ORAI2: variants seen among roughly 807,000 people sequenced by gnomAD.
ORAI2 encodes the protein ORAI calcium release-activated calcium modulator 2.
A neutral mutation model predicts 16.2 loss-of-function variants in ORAI2; 10 were observed. The observed-to-expected ratio is 0.62, with a 90% CI of 0.38 to 1.04. The LOEUF (loss-of-function observed/expected upper bound fraction) is 1.04, where lower values mean the gene tolerates loss of function less well. Among genes scored for constraint, ORAI2 ranks in the 50% least tolerant of loss-of-function variants. ORAI2 has a pLI of 0.01. For missense variants in ORAI2, 238 were observed against 355.5 expected, an observed-to-expected ratio of 0.67 and a Z score of 2.66; for synonymous variants, 150 against 157.5, an observed-to-expected ratio of 0.95 and a Z score of 0.35.
chr7:102,446,295 A>G (rs974462477), intron 3 of ORAI2, among the ~76,000 whole-genome samples: 5 of 152,222 alleles, frequency 3.3e-5, no homozygotes, highest in Admixed American at 2.6e-4. Flanking sequence ...TTCTTTAGAT[A>G]ATTAGAACAA....
intron 3 of ORAI2, among the ~76,000 whole-genome samples, chr7:102,442,272 G>T (rs113692861): frequency 5.1e-4 from 78 of 152,088 alleles, no homozygotes; most frequent in African/African-American, 1.8e-3. Flanking sequence ...GAAAAGGAGG[G>T]CCGGGCGCCA....
chr7:102,441,734 A>C lies in ORAI2; in HGVS notation c.225+2553A>C, dbSNP rs574150204. On this transcript the variant is annotated intron_variant, in intron 3 of 3. Transcript: ENST00000495936. Reference sequence around the variant, plus strand: ...TTGAATCTGCAGATGTGGAACTCATAGATACAGAGCACCAGCTGCAGTGGG... The same window carrying C: ...TTGAATCTGCAGATGTGGAACTCATCGATACAGAGCACCAGCTGCAGTGGG... Among the ~76,000 whole-genome samples, 14 of 152,030 alleles carry C rather than the reference A, an allele frequency of 9.2e-5. No individual in the cohort carries two copies. In the East Asian group the frequency reaches 2.1e-3, roughly 23 times the overall value.
rs537824528 is a variant in ORAI2 at position 102,453,194 on chromosome 7, G to A, written c.*6142G>A. On this transcript the variant is annotated 3_prime_UTR_variant, in exon 4 of 4. Coordinates refer to ENST00000495936, the MANE Select transcript of ORAI2 (RefSeq NM_001126340.3). The stretch of plus-strand genomic sequence containing the variant: ...TCTCCATGTTAGCCAAGCTGGTCTC[G>A]AACTCCCGACCTCAGATGATCCGCC... The A allele has an allele frequency of 2.0e-5, 3 of 151,948 alleles. No homozygotes were observed. The highest frequency in any genetic ancestry group is 4.8e-5 in the African/African-American group (2 of 41,364). The allele number at this position is 151,948 out of a possible 1,614,324, so 9.4% of individuals were successfully genotyped here. A position where few individuals can be genotyped will look rare whatever the true frequency, so the allele number is the denominator to read the frequency against.
rs528799718 is a variant in ORAI2 at position 102,446,442 on chromosome 7, G to A, written c.226-71G>A. ...ACCTGGCCCAGCCCCTGCTCTGCCT[G>A]GCAGGTGGCCCTGGTGGGGCCATAC... On this transcript the variant is annotated intron_variant, in intron 3 of 3. Transcript: ENST00000495936. The A allele has an allele frequency of 6.8e-5, 100 of 1,476,460 alleles. 1 individual carries two copies. In the African/African-American group the frequency reaches 1.0e-3, roughly 15 times the overall value. The allele number at this position is 1,476,460 out of a possible 1,614,324, so 91.5% of individuals were successfully genotyped here. A position where few individuals can be genotyped will look rare whatever the true frequency, so the allele number is the denominator to read the frequency against.
chr7:102,438,869 G>C, intron 2 of ORAI2, 75 bp from the exon 3 acceptor site: 2 of 1,426,270 alleles, frequency 1.4e-6, no homozygotes, highest in Non-Finnish European at 2.0e-6. Flanking sequence ...TCTGTAGGTT[G>C]AATGGGCTTG....
At chr7:102,437,941 C>T (rs1174944832) in intron 2 of ORAI2, among the ~76,000 whole-genome samples, 1 of 152,252 alleles carries the variant, frequency 6.6e-6, no homozygotes, top group East Asian at 1.9e-4. Flanking sequence ...CCTAGCTCCT[C>T]AGAAGGCTGA....
In ORAI2 at chr7:102,438,966, G is replaced by C; in HGVS notation, c.10G>C (p.Glu4Gln). The change falls in exon 3 of 4, where the codon GAG (glutamate) becomes CAG (glutamine). Residue 4 changes from glutamate to glutamine, a missense_variant. Glu to Gln is a conservative substitution (Grantham distance 29, BLOSUM62 2). This residue lies in a region of ORAI2 where 61 missense variants were observed against 72.7 expected (regional missense o/e 0.84). Transcript: ENST00000495936. MSA[E>Q]LNVPIDPSAP... ...TAGCCTGGCTCCCACCATGAGTGCTGAGCTTAACGTGCCTATCGACCCCTC... is the reference window on the plus strand; with the variant it reads ...TAGCCTGGCTCCCACCATGAGTGCTCAGCTTAACGTGCCTATCGACCCCTC... 6.2e-7 allele frequency: 1 copy of C among 1,613,916 alleles called. No homozygotes were observed. The highest frequency in any genetic ancestry group is 8.5e-7 in the Non-Finnish European group (1 of 1,180,016).
At position 102,452,229 on chromosome 7, in the gene ORAI2, C is replaced by G. The variant is rs1447879217; in HGVS notation, c.*5177C>G. On this transcript the variant is annotated 3_prime_UTR_variant, in exon 4 of 4. Transcript: ENST00000495936. ...CACTGCAACCTCCTCCTCCCAGGTT[C>G]AAGCGATCTTGTGCCTCAGCCTCCC... is the stretch of plus-strand genomic sequence containing the variant. 6.6e-6 allele frequency: 1 copy of G among 151,964 alleles called. No individual in the cohort carries two copies. The allele number at this position is 151,964 out of a possible 1,614,324, so 9.4% of individuals were successfully genotyped here.
chr7:102,447,325 G>A lies in ORAI2; in HGVS notation c.*273G>A, dbSNP rs960877709. 6 of 471,188 alleles carry A rather than the reference G, an allele frequency of 1.3e-5. No homozygotes were observed. Among genetic ancestry groups the A allele is most frequent in the Admixed American group, 3.9e-5 (1 of 25,490 alleles). The allele number at this position is 471,188 out of a possible 1,614,324, so 29.2% of individuals were successfully genotyped here. A position where few individuals can be genotyped will look rare whatever the true frequency, so the allele number is the denominator to read the frequency against. ...GGGGACACGGTGAAGAGGCTCCAGC[G>A]GGACCTGCCCATCAGTCCTGGGCCA... On this transcript the variant is annotated 3_prime_UTR_variant, in exon 4 of 4. Coordinates refer to ENST00000495936, the MANE Select transcript of ORAI2 (RefSeq NM_001126340.3).
chr7:102,454,797 G>A lies in ORAI2; in HGVS notation c.*7745G>A, dbSNP rs75006544. Reference sequence around the variant, plus strand: ...GCCTGGTCTGCTGAGGAAAGTGTCTGATGGATGCGGAAATGGCCACCCCAA... The same window carrying A: ...GCCTGGTCTGCTGAGGAAAGTGTCTAATGGATGCGGAAATGGCCACCCCAA... On this transcript the variant is annotated 3_prime_UTR_variant, in exon 4 of 4. Coordinates refer to ENST00000495936, the MANE Select transcript of ORAI2 (RefSeq NM_001126340.3). The A allele has an allele frequency of 1.0e-2, 1,519 of 152,480 alleles. 15 individuals carry two copies. The highest frequency in any genetic ancestry group is 0.018 in the Non-Finnish European group (1,225 of 68,144). 9.4% of individuals were successfully genotyped at this position (152,480 alleles called of 1,614,324 possible). A position where few individuals can be genotyped will look rare whatever the true frequency, so the allele number is the denominator to read the frequency against.
At chr7:102,446,423 C>A in intron 3 of ORAI2, 90 bp from the exon 4 acceptor site, 1 of 1,388,702 alleles carries the variant, frequency 7.2e-7, no homozygotes, top group Non-Finnish European at 9.6e-7. Context: ...CCGAACCTGG[C>A]CCAGCCCCTG....
intron 3 of ORAI2, among the ~76,000 whole-genome samples, chr7:102,440,995 C>A (rs1180974842): frequency 2.0e-5 from 3 of 152,084 alleles, no homozygotes; most frequent in African/African-American, 7.2e-5. Flanking sequence ...TGGATTCAAG[C>A]GATTCTCCTG....
intron 3 of ORAI2, among the ~76,000 whole-genome samples, chr7:102,439,626 T>G (rs1474391886): frequency 6.6e-6 from 1 of 151,710 alleles, no homozygotes; most frequent in Non-Finnish European, 1.5e-5. Context: ...TAGCCGGACG[T>G]GGTGGCGTGC....
intron 1 of ORAI2, chr7:102,436,018 T>C: frequency 6.6e-6 from 1 of 152,348 alleles, no homozygotes; most frequent in Admixed American, 6.5e-5. Flanking sequence ...GCTAAGCACC[T>C]GTGTGATGGA....
intron 3 of ORAI2, among the ~76,000 whole-genome samples, chr7:102,440,336 C>T (rs114475798): frequency 0.012 from 1,769 of 152,194 alleles, 46 homozygotes; most frequent in African/African-American, 0.041. Context: ...TCCCAGCGGC[C>T]GCCTTCCTTC....
At chr7:102,442,034 C>T (rs532122211) in intron 3 of ORAI2, among the ~76,000 whole-genome samples, 5 of 152,218 alleles carry the variant, frequency 3.3e-5, no homozygotes, top group African/African-American at 9.6e-5. Context: ...TCTAGCAACA[C>T]GTGCTTATGC....
rs1240613168 is a variant in ORAI2 at position 102,448,957 on chromosome 7, T to TC, written c.*1907dup. 6.6e-6 allele frequency: 1 copy of TC among 151,318 alleles called. No individual in the cohort carries two copies. Among genetic ancestry groups the TC allele is most frequent in the East Asian group, 1.9e-4 (1 of 5,150 alleles). The allele number at this position is 151,318 out of a possible 1,614,324, so 9.4% of individuals were successfully genotyped here. ...GTAAAAGCTTAAGCTCTCTCCGGGGTCCGGGTTGGCCGTGCCGTGGAATTC... is the reference window on the plus strand; with the variant it reads ...GTAAAAGCTTAAGCTCTCTCCGGGGTCCCGGGTTGGCCGTGCCGTGGAATTC... On this transcript the variant is annotated 3_prime_UTR_variant, in exon 4 of 4. Coordinates refer to ENST00000495936, the MANE Select transcript of ORAI2 (RefSeq NM_001126340.3).
At chr7:102,438,670 G>A (rs1797120266) in intron 2 of ORAI2, among the ~76,000 whole-genome samples, 1 of 152,102 alleles carries the variant, frequency 6.6e-6, no homozygotes, top group Non-Finnish European at 1.5e-5. Context: ...CTACTCAGGA[G>A]ACTGAAGCAG....
rs1797373768 is a variant in ORAI2 at position 102,446,678 on chromosome 7, C to T, written c.391C>T (p.Leu131=). 6.2e-7 allele frequency: 1 copy of T among 1,614,086 alleles called. No individual in the cohort carries two copies. Among genetic ancestry groups the T allele is most frequent in the Admixed American group, 1.7e-5 (1 of 60,012 alleles). ...NVEAVSNIHN[L]NSISESPHER... Reference sequence around the variant, plus strand: ...GGAGGCCGTGAGCAACATCCACAACCTGAACTCCATCAGCGAGTCCCCGCA... The same window carrying T: ...GGAGGCCGTGAGCAACATCCACAACTTGAACTCCATCAGCGAGTCCCCGCA... The change falls in exon 4 of 4, where the codon CTG becomes TTG. Residue 131 remains leucine (L), a synonymous_variant. Transcript: ENST00000495936.
Sources: allele counts gnomAD v4.1 joint callset (sites outside exome capture counted in the v4.1 genomes callset), GRCh38; gene constraint gnomAD v4.1.1; regional missense constraint gnomAD v4.1.1; transcripts MANE v1.5; gene names NCBI Gene and HGNC (gene_info 2026-07-23, HGNC 2026-07-21).